The following RUNX2 variants were observed in gnomAD, a reference collection of about 807,000 sequenced individuals.
RUNX2 encodes runt-related transcription factor 2.
A neutral mutation model predicts 51.7 loss-of-function variants in RUNX2; 10 were observed. That is an observed-to-expected ratio of 0.19 (90% CI 0.12 to 0.33). The LOEUF is 0.33. Among genes scored for constraint, RUNX2 ranks in the 10% least tolerant of loss-of-function variants. RUNX2 has a pLI of 1.00. For missense variants in RUNX2, 562 were observed against 691.3 expected (o/e 0.81, Z 2.10); for synonymous variants, 276 against 273.6 (o/e 1.01, Z -0.09).
At chr6:45,357,250 G>T (rs948737997) in intron 2 of RUNX2, among the ~76,000 whole-genome samples, 1 of 151,998 alleles carries the variant, frequency 6.6e-6, no homozygotes, top group Non-Finnish European at 1.5e-5. Context: ...CTTCTGACCC[G>T]CCCACCTCGG....
chr6:45,331,364 G>A (rs1237049795), intron 2 of RUNX2, among the ~76,000 whole-genome samples: 1 of 151,898 alleles, frequency 6.6e-6, no homozygotes, highest in African/African-American at 2.4e-5. Context: ...GTAACTGCTT[G>A]AACATGATGT....
intron 5 of RUNX2, among the ~76,000 whole-genome samples, chr6:45,449,435 A>G (rs140544364): frequency 3.9e-5 from 6 of 152,228 alleles, no homozygotes; most frequent in African/African-American, 7.2e-5. Flanking sequence ...CATTTTACAC[A>G]TAGGTAAACT....
intron 6 of RUNX2, among the ~76,000 whole-genome samples, chr6:45,505,121 CTGTCCCTGG>C (rs1477931249): frequency 6.6e-6 from 1 of 152,196 alleles, no homozygotes; most frequent in Non-Finnish European, 1.5e-5. Context: ...GTTCAGCACC[CTGTCCCTGG>C]TGTGCCTTGT....
intron 2 of RUNX2, among the ~76,000 whole-genome samples, chr6:45,403,576 C>T (rs2150353188): frequency 6.6e-6 from 1 of 152,216 alleles, no homozygotes; most frequent in South Asian, 2.1e-4. Context: ...ATCTAGCTGA[C>T]CAATGCTGTA....
chr6:45,385,198 G>A (rs748709896), intron 2 of RUNX2, among the ~76,000 whole-genome samples: 5 of 152,176 alleles, frequency 3.3e-5, no homozygotes. Context: ...ACAAGGAAGA[G>A]CAAAGGTACT....
At chr6:45,459,247 G>A (rs777022497) in intron 5 of RUNX2, among the ~76,000 whole-genome samples, 10 of 152,134 alleles carry the variant, frequency 6.6e-5, no homozygotes, top group South Asian at 2.1e-4. Flanking sequence ...ATCAAAAACC[G>A]TATTCCCACA....
intron 5 of RUNX2, among the ~76,000 whole-genome samples, chr6:45,448,441 A>G (rs972372104): frequency 6.6e-6 from 1 of 152,200 alleles, no homozygotes; most frequent in African/African-American, 2.4e-5. Context: ...CAACGAATTA[A>G]GAAGAGGGAA....
At position 45,431,919 on chromosome 6, in the gene RUNX2, C is replaced by T. The variant is rs758487556; in HGVS notation, c.480C>T (p.Asn160=). 39 of 1,613,846 alleles carry T rather than the reference C, an allele frequency of 2.4e-5. No individual in the cohort carries two copies. The highest frequency in any genetic ancestry group is 3.3e-4 in the Middle Eastern group (2 of 6,064). Residue 160 remains asparagine, a synonymous_variant, in exon 4 of 9, where the codon AAC becomes AAT. Transcript: ENST00000647337. ...DGTVVTVMAG[N]DENYSAELRN... is the part of the protein sequence containing the mutation. The stretch of plus-strand genomic sequence containing the variant: ...CTGTGGTTACTGTCATGGCGGGTAA[C>T]GATGAAAATTATTCTGCTGAGCTCC...
intron 2 of RUNX2, among the ~76,000 whole-genome samples, chr6:45,388,898 G>A (rs1294916811): frequency 1.3e-5 from 2 of 152,084 alleles, no homozygotes; most frequent in Non-Finnish European, 2.9e-5. Flanking sequence ...GTTGTTCATA[G>A]CATCAGAAAT....
chr6:45,434,876 G>A (rs1346128683), intron 4 of RUNX2, among the ~76,000 whole-genome samples: 1 of 152,082 alleles, frequency 6.6e-6, no homozygotes, highest in African/African-American at 2.4e-5. Context: ...TTAATTTAAG[G>A]AAATCATGAA....
chr6:45,344,908 T>C (rs1790537374), intron 2 of RUNX2, among the ~76,000 whole-genome samples: 1 of 152,182 alleles, frequency 6.6e-6, no homozygotes, highest in South Asian at 2.1e-4. Context: ...AGGGACTCTT[T>C]ACAAGCAGGA....
intron 6 of RUNX2, among the ~76,000 whole-genome samples, chr6:45,506,624 A>T (rs1209055300): frequency 6.6e-6 from 1 of 152,216 alleles, no homozygotes; most frequent in Non-Finnish European, 1.5e-5. Flanking sequence ...GTTTTTAAAA[A>T]AACATAAAAA....
chr6:45,495,799 T>C (rs1428368289), intron 6 of RUNX2, among the ~76,000 whole-genome samples: 1 of 152,204 alleles, frequency 6.6e-6, no homozygotes, highest in East Asian at 1.9e-4. Context: ...TAGTGTTTCA[T>C]AGTTAGCCTT....
At chr6:45,489,839 T>TA (rs1800407425) in intron 5 of RUNX2, among the ~76,000 whole-genome samples, 1 of 152,178 alleles carries the variant, frequency 6.6e-6, no homozygotes, top group Admixed American at 6.5e-5. Context: ...AGCCATTTGT[T>TA]TAGGGTAATG....
chr6:45,421,668 G>A (rs1582092610), intron 2 of RUNX2: 1 of 152,388 alleles, frequency 6.6e-6, no homozygotes, highest in African/African-American at 2.4e-5. Flanking sequence ...TCCTAGGGGT[G>A]GGGAGAGCAA....
intron 5 of RUNX2, among the ~76,000 whole-genome samples, chr6:45,461,289 C>T (rs1351378980): frequency 1.3e-5 from 2 of 152,178 alleles, no homozygotes; most frequent in East Asian, 3.8e-4. Flanking sequence ...TGCCACCTGA[C>T]AGGGAATTAC....
chr6:45,331,252 A>G (rs1584950332), intron 2 of RUNX2, among the ~76,000 whole-genome samples: 2 of 152,156 alleles, frequency 1.3e-5, no homozygotes, highest in African/African-American at 4.8e-5. Context: ...CATTTATCAT[A>G]AATATAGCTT....
chr6:45,510,964 C>T (rs1246963870), intron 6 of RUNX2, among the ~76,000 whole-genome samples: 2 of 152,074 alleles, frequency 1.3e-5, no homozygotes, highest in African/African-American at 4.8e-5. Flanking sequence ...GAACTTGGAC[C>T]TAATTCTGAA....
intron 2 of RUNX2, among the ~76,000 whole-genome samples, chr6:45,383,177 A>G (rs534414248): frequency 3.9e-5 from 6 of 152,294 alleles, no homozygotes; most frequent in African/African-American, 1.4e-4. Context: ...ACTCAAACCT[A>G]TAATTCCAGC....
Sources: allele counts gnomAD v4.1 joint callset (sites outside exome capture counted in the v4.1 genomes callset), GRCh38; gene constraint gnomAD v4.1.1; transcripts MANE v1.5; gene names NCBI Gene and HGNC (gene_info 2026-07-23, HGNC 2026-07-21).